DYSF: variants seen among roughly 807,000 people sequenced by gnomAD.
The protein encoded by DYSF is dysferlin, also known as dystrophy-associated fer-1-like 1.
DYSF carries 212 observed loss-of-function variants against 274.9 expected under a neutral mutation model. The ratio of observed to expected loss-of-function variants is 0.77; its 90% CI spans 0.69 to 0.86. The LOEUF is 0.86. Among genes scored for constraint, DYSF ranks in the 40% least tolerant of loss-of-function variants. The pLI is 0.00. For synonymous variants in DYSF, 1,091 were observed against 1,078.7 expected (o/e 1.01, Z -0.22); for missense variants, 2,666 against 2,783.2 (o/e 0.96, Z 0.95).
chr2:71,463,258 G>A (rs1054701900), upstream of DYSF, among the ~76,000 whole-genome samples: 3 of 152,242 alleles, frequency 2.0e-5, no homozygotes, highest in African/African-American at 4.8e-5. Context: ...ACATCTGGCT[G>A]GGTTGCAACA....
In DYSF at chr2:71,562,505, C is replaced by T. The variant is rs114229309; in HGVS notation, c.2409+561C>T. Among the ~76,000 whole-genome samples the T allele has an allele frequency of 1.9e-3, 293 of 152,290 alleles. 2 individuals are homozygous for T. The highest frequency in any genetic ancestry group is 6.1e-3 in the African/African-American group (254 of 41,548). On this transcript the variant is annotated intron_variant, in intron 23 of 55. Coordinates refer to ENST00000410020, the MANE Select transcript of DYSF (RefSeq NM_001130987.2). ...TATTTCCCCACCTGCAGACCCTCCC[C>T]CTGAGGTCTCTGTGGCCAGATGCAC...
intron 13 of DYSF, among the ~76,000 whole-genome samples, chr2:71,527,675 C>G (rs565205586): frequency 2.0e-5 from 3 of 152,244 alleles, no homozygotes; most frequent in African/African-American, 7.2e-5. Context: ...TATTAGCTAG[C>G]GTATAATCTT....
At chr2:71,511,582 TCA>T (rs370166732) in intron 4 of DYSF, among the ~76,000 whole-genome samples, 34 of 152,284 alleles carry the variant, frequency 2.2e-4, no homozygotes, top group East Asian at 1.2e-3. Flanking sequence ...TTGCCTAAGG[TCA>T]CACAGCTCCT....
chr2:71,515,865 G>A lies in DYSF; in HGVS notation c.888+114G>A, dbSNP rs1011400398. The A allele has an allele frequency of 6.8e-6, 10 of 1,462,772 alleles. No individual in the cohort carries two copies. In the African/African-American group the frequency reaches 1.3e-4, roughly 18 times the overall value. 90.6% of individuals were successfully genotyped at this position (1,462,772 alleles called of 1,614,324 possible). ...TGTTTACGTATGGCGCTGACCTTGG[G>A]TGGTGAGATGTGCTGGCTCCCAAGG... On this transcript the variant is annotated intron_variant, in intron 8 of 55. Coordinates refer to ENST00000410020, the MANE Select transcript of DYSF (RefSeq NM_001130987.2).
At chr2:71,548,687 T>C (rs1388683692) in intron 17 of DYSF, among the ~76,000 whole-genome samples, 1 of 152,230 alleles carries the variant, frequency 6.6e-6, no homozygotes, top group Admixed American at 6.5e-5. Flanking sequence ...CACCCAAGTG[T>C]GTAGCGTGTT....
chr2:71,508,981 T>C (rs773843491), intron 4 of DYSF, among the ~76,000 whole-genome samples: 2 of 152,010 alleles, frequency 1.3e-5, no homozygotes, highest in Non-Finnish European at 2.9e-5. Flanking sequence ...GCCTCCCAAG[T>C]AGCTGGGATT....
At chr2:71,501,109 A>C (rs2084928523) in intron 3 of DYSF, among the ~76,000 whole-genome samples, 1 of 152,116 alleles carries the variant, frequency 6.6e-6, no homozygotes, top group Non-Finnish European at 1.5e-5. Flanking sequence ...GTGATGGTAA[A>C]AATCCTGCTC....
chr2:71,570,053 G>A (rs2092331036), intron 27 of DYSF, 119 bp downstream of exon 27: 1 of 1,110,810 alleles, frequency 9.0e-7, no homozygotes, highest in South Asian at 1.3e-5. Flanking sequence ...GAGACTTCAT[G>A]CTTTGATTTC....
chr2:71,661,946 G>C (rs1362667930), intron 45 of DYSF, among the ~76,000 whole-genome samples: 1 of 152,104 alleles, frequency 6.6e-6, no homozygotes, highest in Non-Finnish European at 1.5e-5. Flanking sequence ...TCCAGGGGCT[G>C]GCGAGCTCCA....
At chr2:71,640,349 C>G (rs1558697856) in intron 41 of DYSF, among the ~76,000 whole-genome samples, 1 of 152,178 alleles carries the variant, frequency 6.6e-6, no homozygotes, top group East Asian at 1.9e-4. Context: ...ATGAAAAATT[C>G]TAACCTCTTA....
intron 29 of DYSF, among the ~76,000 whole-genome samples, chr2:71,571,602 CTCACACCCAGCACACACACAGA>C (rs2092459778): frequency 1.1e-5 from 1 of 94,312 alleles, no homozygotes; most frequent in Admixed American, 1.2e-4. Flanking sequence ...GCACACACAG[CTCACACCCAGCACACACACAGA>C]TCACACCCAG....
intron 1 of DYSF, among the ~76,000 whole-genome samples, chr2:71,470,759 TC>T (rs1386654030): frequency 6.9e-6 from 1 of 145,678 alleles, no homozygotes; most frequent in Non-Finnish European, 1.5e-5. Flanking sequence ...CTTCCTTCCT[TC>T]CTTCCTTCCT....
chr2:71,524,345 G>T (rs964418317), intron 12 of DYSF, among the ~76,000 whole-genome samples: 3 of 152,188 alleles, frequency 2.0e-5, no homozygotes, highest in African/African-American at 7.2e-5. Context: ...CTCTTGCCTA[G>T]TACGGCAGGT....
rs187411316 is a variant in DYSF, at chr2:71,547,973, T to G, written c.1577-3068T>G. 3.2e-3 allele frequency among the ~76,000 whole-genome samples: 489 copies of G among 152,304 alleles called. 2 individuals are homozygous for G. Among genetic ancestry groups the G allele is most frequent in the Non-Finnish European group, 4.4e-3 (299 of 68,018 alleles). On this transcript the variant is annotated intron_variant, in intron 17 of 55. Transcript: ENST00000410020. The stretch of plus-strand genomic sequence containing the variant: ...GAGCTTAAAATGTGATCTGTTTGCT[T>G]CCGGTGGTCCCTGGCCACTGCTCTC...
At chr2:71,676,869 C>T (rs1488432905) in intron 52 of DYSF, among the ~76,000 whole-genome samples, 2 of 151,916 alleles carry the variant, frequency 1.3e-5, no homozygotes, top group African/African-American at 4.8e-5. Context: ...GCTCACCATC[C>T]AGATAGCCTG....
At chr2:71,564,789 C>A (rs1315195415) in intron 24 of DYSF, among the ~76,000 whole-genome samples, 1 of 152,254 alleles carries the variant, frequency 6.6e-6, no homozygotes. Context: ...CTTCTAACAC[C>A]CATCCCTGCT....
intron 45 of DYSF, among the ~76,000 whole-genome samples, chr2:71,663,808 A>G (rs1335070755): frequency 6.6e-6 from 1 of 152,108 alleles, no homozygotes; most frequent in African/African-American, 2.4e-5. Context: ...GTAAATTCCA[A>G]AGCTCTGGCC....
chr2:71,568,100 C>T lies in DYSF; in HGVS notation c.2697+18C>T. 1 of 1,614,190 alleles carries T rather than the reference C, an allele frequency of 6.2e-7. No homozygotes were observed. ...CTGAAACCGTGAGTACCTGCCAGCC[C>T]CCACCTCTGCCTCCCACTACCTGGA... On this transcript the variant is annotated intron_variant, in intron 25 of 55. Coordinates refer to ENST00000410020, the MANE Select transcript of DYSF (RefSeq NM_001130987.2).
At chr2:71,618,434 G>GGTGTGTGTGGTAGAGGTGGGGGT (rs2093986254) in intron 40 of DYSF, among the ~76,000 whole-genome samples, 1 of 45,704 alleles carries the variant, frequency 2.2e-5, no homozygotes, top group East Asian at 6.9e-4. Flanking sequence ...GTAGAGGTGG[G>GGTGTGTGTGGTAGAGGTGGGGGT]GTGTGTGTGG....
Sources: allele counts gnomAD v4.1 joint callset (sites outside exome capture counted in the v4.1 genomes callset), GRCh38; gene constraint gnomAD v4.1.1; transcripts MANE v1.5; gene names NCBI Gene and HGNC (gene_info 2026-07-23, HGNC 2026-07-21).